Variants in GALNTL6 observed in about 807,000 individuals in gnomAD.
The protein encoded by GALNTL6 is polypeptide N-acetylgalactosaminyltransferase-like 6.
Under a neutral mutation model 73.7 loss-of-function variants are expected in GALNTL6, and 46 were observed. That is an observed-to-expected ratio of 0.62 (90% confidence interval 0.49 to 0.80). The LOEUF is 0.80. Ranked by LOEUF, GALNTL6 falls within the 30% of genes least tolerant of loss-of-function variation. The pLI is 0.00. For synonymous variants in GALNTL6, 259 were observed against 263.7 expected (o/e 0.98, Z 0.17); for missense variants, 604 against 755.0 (o/e 0.80, Z 2.34).
intron 5 of GALNTL6, among the ~76,000 whole-genome samples, chr4:172,796,093 T>A (rs543190739): frequency 1.5e-4 from 22 of 151,064 alleles, no homozygotes; most frequent in African/African-American, 5.4e-4. Context: ...ACTCAGTGAT[T>A]TTTTTTTCCC....
At chr4:172,895,731 C>A (rs1002237875) in intron 8 of GALNTL6, among the ~76,000 whole-genome samples, 1 of 151,940 alleles carries the variant, frequency 6.6e-6, no homozygotes, top group African/African-American at 2.4e-5. Flanking sequence ...ATGTCAGTTC[C>A]CTCTTTAACT....
rs779540911 is a variant in GALNTL6, at chr4:171,814,714, A to G, written c.134A>G (p.Gln45Arg). ...GTGAAGTCAGCGGAGCCCGGGGAGC[A>G]GCAGGTAAGTGCCACCCAGAGAAAG... The part of the protein sequence containing the change: ...HLVKSAEPGE[Q>R]QTFPLGLGDG... The change falls in exon 2 of 13, where the codon CAG becomes CGG. Residue 45 changes from glutamine to arginine, a missense_variant. This residue lies in a region of GALNTL6 where 141 missense variants were observed against 156.6 expected (regional missense o/e 0.90). Coordinates refer to ENST00000506823, the MANE Select transcript of GALNTL6 (RefSeq NM_001034845.3). The G allele has an allele frequency of 3.7e-6, 6 of 1,613,884 alleles. No homozygotes were observed. The Admixed American group carries it at 6.7e-5, about 18-fold the overall frequency.
chr4:171,841,596 G>T (rs1735240468), intron 2 of GALNTL6, among the ~76,000 whole-genome samples: 1 of 151,910 alleles, frequency 6.6e-6, no homozygotes, highest in South Asian at 2.1e-4. Context: ...GATAGAAGAA[G>T]AACTTAAGAA....
intron 2 of GALNTL6, among the ~76,000 whole-genome samples, chr4:171,917,018 CA>C (rs1181168694): frequency 6.6e-6 from 1 of 152,038 alleles, no homozygotes; most frequent in Non-Finnish European, 1.5e-5. Flanking sequence ...AAAATAAATA[CA>C]ACAGAATTTC....
chr4:172,308,005 T>A (rs1438286657), intron 3 of GALNTL6, among the ~76,000 whole-genome samples: 1 of 31,464 alleles, frequency 3.2e-5, no homozygotes, highest in East Asian at 1.0e-3. Flanking sequence ...TGTTTTAACT[T>A]TTTTTTTTTT....
intron 2 of GALNTL6, among the ~76,000 whole-genome samples, chr4:172,043,662 T>C (rs569392646): frequency 5.3e-5 from 8 of 152,192 alleles, no homozygotes; most frequent in African/African-American, 1.9e-4. Context: ...GTTTAGTGTA[T>C]AAATATTCCA....
chr4:173,027,089 G>A (rs1753263667), intron 12 of GALNTL6, among the ~76,000 whole-genome samples: 1 of 152,172 alleles, frequency 6.6e-6, no homozygotes, highest in Admixed American at 6.5e-5. Flanking sequence ...CCGGGTTCAA[G>A]CGAGACTCCT....
At chr4:172,416,325 G>A (rs1358848760) in intron 5 of GALNTL6, among the ~76,000 whole-genome samples, 4 of 152,162 alleles carry the variant, frequency 2.6e-5, no homozygotes, top group Non-Finnish European at 5.9e-5. Context: ...TGATTCAAAT[G>A]TAGTCTAACT....
At chr4:172,802,244 T>A (rs1486974163) in intron 5 of GALNTL6, among the ~76,000 whole-genome samples, 1 of 151,422 alleles carries the variant, frequency 6.6e-6, no homozygotes, top group Non-Finnish European at 1.5e-5. Flanking sequence ...ACTAGCTGAG[T>A]GGTTAGGTTA....
At chr4:172,746,728 C>T (rs1251395011) in intron 5 of GALNTL6, among the ~76,000 whole-genome samples, 5 of 151,878 alleles carry the variant, frequency 3.3e-5, no homozygotes, top group Admixed American at 2.0e-4. Context: ...ATGGCAAACC[C>T]ACAGCTAACA....
At chr4:171,914,316 A>T (rs542388316) in intron 2 of GALNTL6, among the ~76,000 whole-genome samples, 1 of 152,128 alleles carries the variant, frequency 6.6e-6, no homozygotes, top group Non-Finnish European at 1.5e-5. Context: ...GGTTATCCCG[A>T]CAAGAAAGTG....
intron 4 of GALNTL6, among the ~76,000 whole-genome samples, chr4:172,329,865 C>G (rs1284963895): frequency 6.6e-6 from 1 of 152,156 alleles, no homozygotes; most frequent in Non-Finnish European, 1.5e-5. Context: ...CAGGAGGTCC[C>G]ACTTACTGAA....
intron 5 of GALNTL6, among the ~76,000 whole-genome samples, chr4:172,494,531 A>G (rs1020731567): frequency 1.3e-5 from 2 of 152,200 alleles, no homozygotes; most frequent in Admixed American, 6.5e-5. Context: ...ATTGACTCAC[A>G]TGGTCGCAAG....
chr4:173,001,155 G>T (rs970760352), intron 10 of GALNTL6, among the ~76,000 whole-genome samples: 1 of 152,176 alleles, frequency 6.6e-6, no homozygotes, highest in East Asian at 1.9e-4. Context: ...AACTAGGAGA[G>T]AAGCATATTA....
intron 2 of GALNTL6, among the ~76,000 whole-genome samples, chr4:172,127,273 A>G (rs1262885960): frequency 6.6e-6 from 1 of 152,058 alleles, no homozygotes; most frequent in Non-Finnish European, 1.5e-5. Context: ...GTACGCGGCC[A>G]CTCCATCTGA....
intron 2 of GALNTL6, among the ~76,000 whole-genome samples, chr4:172,203,863 C>T (rs1736028238): frequency 6.6e-6 from 1 of 152,166 alleles, no homozygotes; most frequent in Non-Finnish European, 1.5e-5. Context: ...TCTCCTGCCT[C>T]AGTCTCCCGA....
At chr4:172,465,020 AC>A (rs1472209185) in intron 5 of GALNTL6, among the ~76,000 whole-genome samples, 3 of 152,202 alleles carry the variant, frequency 2.0e-5, no homozygotes. Flanking sequence ...AATGAAAAAA[AC>A]AATACTGATT....
intron 2 of GALNTL6, among the ~76,000 whole-genome samples, chr4:172,110,472 A>G (rs1253248277): frequency 1.3e-5 from 2 of 152,208 alleles, no homozygotes; most frequent in African/African-American, 4.8e-5. Flanking sequence ...GTTAGTCAGT[A>G]GCATATTTTA....
In GALNTL6 at chr4:172,798,988, G is replaced by A. The variant is rs192927173; in HGVS notation, c.554-10373G>A. On this transcript the variant is annotated intron_variant, in intron 5 of 12. Transcript: ENST00000506823. ...TAAAGGGACTACTGAAAGATAAGAAGTGAGTTTTCTTAGAAGAATGGGAAG... is the reference window on the plus strand; with the variant it reads ...TAAAGGGACTACTGAAAGATAAGAAATGAGTTTTCTTAGAAGAATGGGAAG... Among the ~76,000 whole-genome samples, 355 of 152,330 alleles carry A rather than the reference G, an allele frequency of 2.3e-3. 6 individuals are homozygous for A. Among genetic ancestry groups the A allele is most frequent in the Non-Finnish European group, 1.7e-3 (114 of 68,018 alleles).
Sources: allele counts gnomAD v4.1 joint callset (sites outside exome capture counted in the v4.1 genomes callset), GRCh38; gene constraint gnomAD v4.1.1; regional missense constraint gnomAD v4.1.1; transcripts MANE v1.5; gene names NCBI Gene and HGNC (gene_info 2026-07-23, HGNC 2026-07-21).